Variants in SPON1 observed in about 807,000 individuals in gnomAD.
SPON1 encodes the protein spondin 1.
SPON1 carries 52 observed loss-of-function variants against 111.7 expected under a neutral mutation model. That is an observed-to-expected ratio of 0.47 (90% CI 0.37 to 0.59). The LOEUF (loss-of-function observed/expected upper bound fraction) is 0.59. Ranked by LOEUF, SPON1 falls within the 20% of genes least tolerant of loss-of-function variation. The pLI is 0.00. For missense variants in SPON1, 957 were observed against 1,068.5 expected, an observed-to-expected ratio of 0.90 and a Z score of 1.46; for synonymous variants, 410 against 395.8, an observed-to-expected ratio of 1.04 and a Z score of -0.43.
intron 6 of SPON1, among the ~76,000 whole-genome samples, chr11:14,195,734 G>A (rs1848393553): frequency 6.6e-6 from 1 of 152,198 alleles, no homozygotes; most frequent in Non-Finnish European, 1.5e-5. Context: ...TAGTCTGGAA[G>A]CAGGGTTCTT....
chr11:14,174,265 G>T (rs189566919), intron 6 of SPON1, among the ~76,000 whole-genome samples: 3 of 152,306 alleles, frequency 2.0e-5, no homozygotes, highest in Non-Finnish European at 4.4e-5. Context: ...TCATGAGGGA[G>T]TCTCATCTCC....
At chr11:14,068,414 T>C (rs1848849266) in intron 3 of SPON1, among the ~76,000 whole-genome samples, 2 of 152,238 alleles carry the variant, frequency 1.3e-5, no homozygotes, top group Non-Finnish European at 2.9e-5. Flanking sequence ...GAATGGGTTG[T>C]AGTCTTGTTA....
chr11:14,160,417 TTA>T lies in SPON1; in HGVS notation c.825+24861_825+24862del, dbSNP rs1242579294. Among the ~76,000 whole-genome samples the T allele has an allele frequency of 2.4e-3, 45 of 18,882 alleles. 5 individuals carry two copies. The highest frequency in any genetic ancestry group is 6.2e-3 in the African/African-American group (26 of 4,212). The allele number at this position is 18,882 out of a possible 152,430, so 12.4% of individuals were successfully genotyped here. On this transcript the variant is annotated intron_variant, in intron 6 of 15. Transcript: ENST00000576479. ...TATATATATATTTATATATATATAT[TTA>T]TATATATATATTTATATATATATTT...
chr11:14,200,071 C>T (rs1238148771), intron 6 of SPON1, among the ~76,000 whole-genome samples: 3 of 152,180 alleles, frequency 2.0e-5, no homozygotes, highest in African/African-American at 7.2e-5. Flanking sequence ...ACTACTAACC[C>T]TCCAAGACAC....
chr11:13,972,476 T>A (rs555917850), intron 1 of SPON1, among the ~76,000 whole-genome samples: 1 of 152,352 alleles, frequency 6.6e-6, no homozygotes, highest in East Asian at 1.9e-4. Context: ...TTTATTCACA[T>A]AATCTAATTT....
intron 5 of SPON1, among the ~76,000 whole-genome samples, chr11:14,116,835 A>G (rs1208656040): frequency 1.3e-5 from 2 of 152,188 alleles, no homozygotes; most frequent in African/African-American, 4.8e-5. Context: ...AAATCTTTCA[A>G]TCAATGACCA....
At chr11:14,245,414 A>G (rs1462627741) in intron 7 of SPON1, among the ~76,000 whole-genome samples, 1 of 152,196 alleles carries the variant, frequency 6.6e-6, no homozygotes, top group Non-Finnish European at 1.5e-5. Context: ...TTCCCTTTGC[A>G]CAAGTCCAGG....
chr11:14,209,835 C>T (rs538968797), intron 6 of SPON1, among the ~76,000 whole-genome samples: 24 of 152,362 alleles, frequency 1.6e-4, no homozygotes, highest in Admixed American at 1.4e-3. Flanking sequence ...GGAATTGCCA[C>T]ACTGTGTTCC....
At chr11:13,980,503 A>G (rs1848135861) in intron 1 of SPON1, among the ~76,000 whole-genome samples, 1 of 152,146 alleles carries the variant, frequency 6.6e-6, no homozygotes, top group Non-Finnish European at 1.5e-5. Flanking sequence ...TACATTATCC[A>G]AGACAGTGGT....
intron 2 of SPON1, among the ~76,000 whole-genome samples, chr11:13,990,769 G>A (rs979229924): frequency 6.6e-6 from 1 of 151,964 alleles, no homozygotes; most frequent in Non-Finnish European, 1.5e-5. Context: ...CATGCCTGTT[G>A]GTGACAAAAT....
intron 1 of SPON1, among the ~76,000 whole-genome samples, chr11:13,977,110 G>A (rs1272014938): frequency 6.6e-6 from 1 of 152,150 alleles, no homozygotes; most frequent in Non-Finnish European, 1.5e-5. Flanking sequence ...GGGCTGAAGG[G>A]CATTTGAGTA....
At chr11:13,965,839 C>G (rs1554907985) in intron 1 of SPON1, among the ~76,000 whole-genome samples, 1 of 152,224 alleles carries the variant, frequency 6.6e-6, no homozygotes, top group African/African-American at 2.4e-5. Flanking sequence ...ATTGTCCTGA[C>G]TTAAGGCTGT....
At chr11:14,051,001 A>G (rs1554918521) in intron 3 of SPON1, among the ~76,000 whole-genome samples, 1 of 152,226 alleles carries the variant, frequency 6.6e-6, no homozygotes, top group African/African-American at 2.4e-5. Context: ...CAGTGGGGGC[A>G]GAGATGGTCA....
At chr11:14,059,645 T>A (rs1848775225) in intron 3 of SPON1, among the ~76,000 whole-genome samples, 1 of 152,164 alleles carries the variant, frequency 6.6e-6, no homozygotes, top group South Asian at 2.1e-4. Flanking sequence ...CCAGGCTGCA[T>A]TTCCATTTTC....
intron 5 of SPON1, among the ~76,000 whole-genome samples, chr11:14,132,127 A>C (rs1438915245): frequency 2.0e-5 from 3 of 152,274 alleles, no homozygotes; most frequent in South Asian, 4.2e-4. Flanking sequence ...CAATACAAAA[A>C]ATTAGCTGGG....
chr11:14,085,633 T>C (rs940248063), intron 5 of SPON1, among the ~76,000 whole-genome samples: 9 of 152,210 alleles, frequency 5.9e-5, no homozygotes, highest in Non-Finnish European at 4.4e-5. Context: ...CTATACAGGC[T>C]CTTTTTTAGT....
intron 2 of SPON1, among the ~76,000 whole-genome samples, chr11:14,034,561 G>A (rs1051009360): frequency 9.2e-5 from 14 of 152,200 alleles, no homozygotes; most frequent in Non-Finnish European, 1.5e-4. Context: ...TGGCAACTGA[G>A]GTTGTGGATA....
intron 6 of SPON1, among the ~76,000 whole-genome samples, chr11:14,144,961 C>T (rs1383146331): frequency 6.6e-5 from 10 of 152,090 alleles, no homozygotes; most frequent in Admixed American, 6.5e-4. Context: ...CTTTGTTCTC[C>T]CCTACCTCAT....
At chr11:14,133,990 G>A (rs1050047136) in intron 5 of SPON1, among the ~76,000 whole-genome samples, 21 of 151,998 alleles carry the variant, frequency 1.4e-4, no homozygotes, top group African/African-American at 3.1e-4. Flanking sequence ...ATGGGGAAGC[G>A]ATGTGAGCTG....
Sources: gnomAD v4.1 joint callset for allele counts (sites outside exome capture counted in the v4.1 genomes callset) on GRCh38, gnomAD v4.1.1 for gene constraint, MANE v1.5 for transcripts, NCBI Gene and HGNC (gene_info 2026-07-23, HGNC 2026-07-21) for gene names.